Variants in GSE1 observed in about 807,000 individuals in gnomAD.
GSE1 encodes genetic suppressor element 1.
Under a neutral mutation model 112.6 loss-of-function variants are expected in GSE1, and 32 were observed. The ratio of observed to expected loss-of-function variants is 0.28; its 90% CI spans 0.21 to 0.38. The LOEUF (loss-of-function observed/expected upper bound fraction) is 0.38. GSE1 is among the 10% of genes least tolerant of loss of function. The pLI, the probability that GSE1 is intolerant of heterozygous loss-of-function variation, is 1.00. For missense variants in GSE1, 2,348 were observed against 1,699.2 expected, an observed-to-expected ratio of 1.38 and a Z score of -6.71; for synonymous variants, 1,115 against 735.6, an observed-to-expected ratio of 1.52 and a Z score of -8.35.
chr16:85,584,874 C>T (rs573730229), intron 1 of GSE1, among the ~76,000 whole-genome samples: 1 of 151,710 alleles, frequency 6.6e-6, no homozygotes, highest in East Asian at 2.0e-4. Flanking sequence ...CTGCCAAGAC[C>T]CTCGCCCCCT....
chr16:85,617,596 T>C (rs550771572), intron 1 of GSE1, among the ~76,000 whole-genome samples: 1,791 of 36,314 alleles, frequency 0.049, 72 homozygotes, highest in Non-Finnish European at 0.08. Context: ...GTGTCAACCC[T>C]CCCCCCCCCC....
chr16:85,363,598 G>C (rs1345754294), intron 2 of GSE1, among the ~76,000 whole-genome samples: 1 of 152,220 alleles, frequency 6.6e-6, no homozygotes, highest in Non-Finnish European at 1.5e-5. Context: ...AGAGGAAGGA[G>C]GGAGCGAGGG....
At chr16:85,622,178 G>A (rs1300478988) in intron 1 of GSE1, among the ~76,000 whole-genome samples, 1 of 152,194 alleles carries the variant, frequency 6.6e-6, no homozygotes, top group Non-Finnish European at 1.5e-5. Context: ...GGATGAGGGA[G>A]TCCAGGACTC....
chr16:85,248,959 C>T (rs1236841345), intron 1 of GSE1, among the ~76,000 whole-genome samples: 2 of 152,158 alleles, frequency 1.3e-5, no homozygotes, highest in Non-Finnish European at 2.9e-5. Context: ...CGTTATATGA[C>T]TAGAGTCCCC....
chr16:85,201,558 A>G (rs1243092871), intron 1 of GSE1, among the ~76,000 whole-genome samples: 10 of 151,838 alleles, frequency 6.6e-5, no homozygotes, highest in Non-Finnish European at 1.5e-4. Flanking sequence ...AGGCTAAGGC[A>G]GGAGAATTGC....
At chr16:85,304,966 C>G (rs1770882914) in intron 1 of GSE1, among the ~76,000 whole-genome samples, 1 of 152,218 alleles carries the variant, frequency 6.6e-6, no homozygotes, top group African/African-American at 2.4e-5. Context: ...AGTGTGGGAC[C>G]CACTTCCACA....
At chr16:85,248,990 C>T (rs768742625) in intron 1 of GSE1, among the ~76,000 whole-genome samples, 8 of 152,124 alleles carry the variant, frequency 5.3e-5, no homozygotes, top group African/African-American at 1.4e-4. Context: ...GAACTTGGGG[C>T]GGGGGAGACA....
intron 12 of GSE1, 50 bp from the exon 13 acceptor site, chr16:85,665,926 G>C (rs370303275): frequency 1.8e-5 from 28 of 1,585,460 alleles, no homozygotes; most frequent in Non-Finnish European, 2.3e-5. Context: ...TGGACACTCA[G>C]CCTGTTAACT....
chr16:85,319,285 G>A (rs2046049403), intron 1 of GSE1, among the ~76,000 whole-genome samples: 1 of 152,236 alleles, frequency 6.6e-6, no homozygotes, highest in Admixed American at 6.5e-5. Flanking sequence ...TGCGATCGGT[G>A]CCAGGGCACT....
At chr16:85,633,105 G>A (rs2049685855) in intron 1 of GSE1, among the ~76,000 whole-genome samples, 1 of 152,226 alleles carries the variant, frequency 6.6e-6, no homozygotes, top group African/African-American at 2.4e-5. Context: ...TGGGAGGAAA[G>A]AGGGTTCCAA....
At chr16:85,276,819 CT>C (rs1265688471) in intron 1 of GSE1, among the ~76,000 whole-genome samples, 4 of 152,204 alleles carry the variant, frequency 2.6e-5, no homozygotes, top group Non-Finnish European at 5.9e-5. Context: ...CCCAGGCCCC[CT>C]GACTCAGGAG....
chr16:85,668,484 C>G, intron 14 of GSE1, 60 bp downstream of exon 14: 1 of 1,197,916 alleles, frequency 8.3e-7, no homozygotes, highest in Non-Finnish European at 1.2e-6. Context: ...GGAAAGGAAG[C>G]TGAGTGATGA....
At chr16:85,476,574 T>C (rs1400329782) in intron 2 of GSE1, among the ~76,000 whole-genome samples, 1 of 152,164 alleles carries the variant, frequency 6.6e-6, no homozygotes, top group Non-Finnish European at 1.5e-5. Context: ...CCTTTGTACG[T>C]GCTGTTCCCA....
chr16:85,201,329 C>T (rs2075024496), intron 1 of GSE1, among the ~76,000 whole-genome samples: 1 of 138,486 alleles, frequency 7.2e-6, no homozygotes, highest in South Asian at 2.3e-4. Context: ...ACTCATGTTT[C>T]CCTTTGGTGT....
chr16:85,324,629 C>G (rs2046188061), intron 1 of GSE1, among the ~76,000 whole-genome samples: 1 of 152,056 alleles, frequency 6.6e-6, no homozygotes. Flanking sequence ...CAGAAGCTGT[C>G]AGTTGATGAG....
intron 2 of GSE1, among the ~76,000 whole-genome samples, chr16:85,397,758 T>A (rs2048001739): frequency 6.6e-6 from 1 of 152,206 alleles, no homozygotes; most frequent in Admixed American, 6.5e-5. Flanking sequence ...CCCTGGGCTG[T>A]GGGACTGCAA....
intron 1 of GSE1, among the ~76,000 whole-genome samples, chr16:85,602,329 C>T (rs771118260): frequency 5.3e-5 from 8 of 152,124 alleles, no homozygotes; most frequent in Non-Finnish European, 1.0e-4. Flanking sequence ...CTACTTGATA[C>T]GGAAAAGAAC....
chr16:85,578,739 C>A lies in GSE1; in HGVS notation c.37+22376C>A, dbSNP rs995001532. On this transcript the variant is annotated intron_variant, in intron 1 of 2. Coordinates refer to the GSE1 transcript ENST00000635906. ...TCTGCCTCCACTACCCCTCACCACA[C>A]ATGGCCCCACCTCAGGGCCTTTGCA... Among the ~76,000 whole-genome samples the A allele has an allele frequency of 1.1e-4, 17 of 152,186 alleles. No individual in the cohort carries two copies. In the South Asian group the frequency reaches 2.1e-3, roughly 19 times the overall value.
chr16:85,450,438 C>T (rs1451880138), intron 2 of GSE1, among the ~76,000 whole-genome samples: 1 of 149,710 alleles, frequency 6.7e-6, no homozygotes. Context: ...TTTTTTATTT[C>T]TTTATTTTTT....
Sources: gnomAD v4.1 joint callset for allele counts (sites outside exome capture counted in the v4.1 genomes callset) on GRCh38, gnomAD v4.1.1 for gene constraint, MANE v1.5 for transcripts, NCBI Gene and HGNC (gene_info 2026-07-23, HGNC 2026-07-21) for gene names.